Variants in TVP23B observed in about 807,000 individuals in gnomAD.
TVP23B encodes the protein Golgi apparatus membrane protein TVP23 homolog B.
In TVP23B, 10 loss-of-function variants were observed where a neutral mutation model predicts 30.6. That is an observed-to-expected ratio of 0.33 (90% CI 0.20 to 0.55). The LOEUF is 0.55. TVP23B is among the 20% of genes least tolerant of loss of function. The probability of loss-of-function intolerance (pLI) is 0.91; values close to 1 mark genes in which losing one functional copy is unlikely to be tolerated. For missense variants in TVP23B, 153 were observed against 243.2 expected, an observed-to-expected ratio of 0.63 and a Z score of 2.47; for synonymous variants, 67 against 83.1, an observed-to-expected ratio of 0.81 and a Z score of 1.06.
chr17:18,791,583 G>A (rs941518101), intron 3 of TVP23B, among the ~76,000 whole-genome samples: 19 of 152,024 alleles, frequency 1.2e-4, no homozygotes, highest in African/African-American at 4.6e-4. Flanking sequence ...ATGACTGGAG[G>A]TGGGAGGAGT....
intron 5 of TVP23B, among the ~76,000 whole-genome samples, chr17:18,799,520 A>C (rs150346133): frequency 3.2e-4 from 48 of 152,272 alleles, no homozygotes; most frequent in Middle Eastern, 6.8e-3. Flanking sequence ...AAGCTTTTAC[A>C]ATCTAGCTAA....
intron 4 of TVP23B, among the ~76,000 whole-genome samples, chr17:18,798,605 G>T (rs981478835): frequency 9.9e-5 from 15 of 152,080 alleles, no homozygotes; most frequent in Non-Finnish European, 1.8e-4. Context: ...CATCCATCCT[G>T]CCCTGAAAAT....
intron 5 of TVP23B, among the ~76,000 whole-genome samples, chr17:18,802,848 C>A (rs2036190434): frequency 2.0e-5 from 3 of 151,970 alleles, no homozygotes; most frequent in Admixed American, 1.3e-4. Flanking sequence ...ATATACATAC[C>A]CAGCAGTGCC....
chr17:18,797,383 A>C (rs1597621338), intron 3 of TVP23B, 196 bp from the exon 4 acceptor site: 1 of 851,500 alleles, frequency 1.2e-6, no homozygotes, highest in Non-Finnish European at 1.8e-6. Flanking sequence ...TGTCACCTCT[A>C]CCCCTATTAG....
chr17:18,786,047 C>G (rs1215504562), intron 1 of TVP23B, among the ~76,000 whole-genome samples: 2 of 152,102 alleles, frequency 1.3e-5, no homozygotes, highest in Admixed American at 6.6e-5. Flanking sequence ...GGATCCCTTC[C>G]CCATCTTAAT....
chr17:18,795,227 A>G lies in TVP23B; in HGVS notation c.241-2352A>G, dbSNP rs539119110. On this transcript the variant is annotated intron_variant, in intron 3 of 6. Transcript: ENST00000307767. ...TTTTTAGTAGAGTCAGGGTTTCACT[A>G]TGTTAGCCAGGCTGGTCTTGAACCC... Among the ~76,000 whole-genome samples the G allele has an allele frequency of 4.6e-5, 7 of 151,798 alleles. No homozygotes were observed. The South Asian group carries it at 8.3e-4, about 18-fold the overall frequency.
At chr17:18,792,903 A>G (rs549277885) in intron 3 of TVP23B, among the ~76,000 whole-genome samples, 2 of 152,304 alleles carry the variant, frequency 1.3e-5, no homozygotes, top group Non-Finnish European at 2.9e-5. Context: ...ATCTCAATGT[A>G]CTTACTAAAA....
At chr17:18,804,345 TGAACA>T (rs1376632478) in intron 6 of TVP23B, 79 bp downstream of exon 6, 6 of 1,477,082 alleles carry the variant, frequency 4.1e-6, no homozygotes, top group African/African-American at 1.5e-5. Flanking sequence ...GAAACGCTCC[TGAACA>T]GAAGTTTTAA....
At chr17:18,788,200 AC>A (rs2035937488) in intron 1 of TVP23B, among the ~76,000 whole-genome samples, 1 of 151,818 alleles carries the variant, frequency 6.6e-6, no homozygotes, top group Non-Finnish European at 1.5e-5. Context: ...GCATGGTGGC[AC>A]GCGCCTGTAG....
intron 4 of TVP23B, among the ~76,000 whole-genome samples, chr17:18,798,239 C>T (rs2036104598): frequency 6.6e-6 from 1 of 152,090 alleles, no homozygotes; most frequent in Non-Finnish European, 1.5e-5. Flanking sequence ...TTCTTGGCGA[C>T]AGTACACCAA....
intron 1 of TVP23B, among the ~76,000 whole-genome samples, chr17:18,785,033 A>G (rs2035878585): frequency 6.6e-6 from 1 of 152,088 alleles, no homozygotes; most frequent in African/African-American, 2.4e-5. Flanking sequence ...CATCACCTCC[A>G]CTGCATCCAT....
intron 5 of TVP23B, among the ~76,000 whole-genome samples, chr17:18,802,082 T>C (rs1472496570): frequency 1.3e-5 from 2 of 151,842 alleles, no homozygotes; most frequent in Non-Finnish European, 2.9e-5. Context: ...ATTAGCCGGG[T>C]GTGGTGGCAG....
At chr17:18,789,110 A>G (rs2035953084) in intron 1 of TVP23B, 4 of 532,274 alleles carry the variant, frequency 7.5e-6, no homozygotes, top group South Asian at 2.1e-5. Context: ...GTTTTCTCAG[A>G]TGGTGCAGCC....
chr17:18,795,857 TTAA>T (rs1180477459), intron 3 of TVP23B: 3 of 152,096 alleles, frequency 2.0e-5, no homozygotes, highest in Non-Finnish European at 4.4e-5. Flanking sequence ...TTATTTCTTA[TTAA>T]TCTCTTACTG....
intron 2 of TVP23B, 157 bp downstream of exon 2, chr17:18,789,592 T>G: frequency 1.0e-6 from 1 of 957,012 alleles, no homozygotes; most frequent in Non-Finnish European, 1.5e-6. Context: ...AAAGATGACA[T>G]TTCAGATTTT....
chr17:18,789,023 G>A (rs2035951903), intron 1 of TVP23B: 2 of 250,672 alleles, frequency 8.0e-6, no homozygotes, highest in Non-Finnish European at 1.6e-5. Context: ...CAGTAGCCTC[G>A]GCTTGCTCTG....
chr17:18,786,582 G>A (rs1187454890), intron 1 of TVP23B, among the ~76,000 whole-genome samples: 2 of 152,202 alleles, frequency 1.3e-5, no homozygotes, highest in South Asian at 2.1e-4. Context: ...CTTGCTGTAC[G>A]TTATGATCAC....
intron 2 of TVP23B, among the ~76,000 whole-genome samples, 195 bp from the exon 3 acceptor site, chr17:18,790,701 A>C (rs990086928): frequency 6.6e-6 from 1 of 152,188 alleles, no homozygotes; most frequent in African/African-American, 2.4e-5. Context: ...TATTTTCTGT[A>C]ACTACAGGGC....
At chr17:18,786,218 C>T (rs2035903580) in intron 1 of TVP23B, among the ~76,000 whole-genome samples, 1 of 152,006 alleles carries the variant, frequency 6.6e-6, no homozygotes, top group South Asian at 2.1e-4. Flanking sequence ...ACCTCAAGAT[C>T]CTTAACTTAA....
Sources: gnomAD v4.1 joint callset for allele counts (sites outside exome capture counted in the v4.1 genomes callset) on GRCh38, gnomAD v4.1.1 for gene constraint, MANE v1.5 for transcripts, NCBI Gene and HGNC (gene_info 2026-07-23, HGNC 2026-07-21) for gene names.